The following TVP23A variants were observed in gnomAD, a reference collection of about 807,000 sequenced individuals.
TVP23A encodes trans-golgi network vesicle protein 23 homolog A, also known as Golgi apparatus membrane protein TVP23 homolog A.
TVP23A carries 21 observed loss-of-function variants against 31.7 expected under a neutral mutation model. The ratio of observed to expected loss-of-function variants is 0.66; its 90% confidence interval spans 0.47 to 0.95. TVP23A has a LOEUF of 0.95. Ranked by LOEUF, TVP23A falls within the 40% of genes least tolerant of loss-of-function variation. The probability of loss-of-function intolerance (pLI) is 0.00; values close to 1 mark genes in which losing one functional copy is unlikely to be tolerated. For missense variants in TVP23A, 279 were observed against 255.6 expected (o/e 1.09, Z -0.62); for synonymous variants, 104 against 96.0 (o/e 1.08, Z -0.49).
chr16:10,814,892 C>G (rs2034366845), intron 2 of TVP23A, among the ~76,000 whole-genome samples: 1 of 149,642 alleles, frequency 6.7e-6, no homozygotes, highest in Non-Finnish European at 1.5e-5. Context: ...TGGCCCCGAT[C>G]TCCACGCAGG....
At chr16:10,814,428 A>T (rs1364951245) in intron 2 of TVP23A, among the ~76,000 whole-genome samples, 1 of 152,130 alleles carries the variant, frequency 6.6e-6, no homozygotes, top group Non-Finnish European at 1.5e-5. Flanking sequence ...GACTCACCAG[A>T]CCACCAGCCT....
chr16:10,761,377 A>G, exon 9 of TVP23A: 1 of 1,613,988 alleles, frequency 6.2e-7, no homozygotes, highest in Non-Finnish European at 8.5e-7. Flanking sequence ...GTGTCACTCC[A>G]GGATGTCCGG....
At chr16:10,811,503 C>G (rs1337115803) in intron 2 of TVP23A, among the ~76,000 whole-genome samples, 1 of 152,062 alleles carries the variant, frequency 6.6e-6, no homozygotes, top group South Asian at 2.1e-4. Context: ...CTCCTGGCCT[C>G]AAGCAATCCA....
chr16:10,789,520 A>G (rs2142984633), intron 2 of TVP23A, among the ~76,000 whole-genome samples: 1 of 152,114 alleles, frequency 6.6e-6, no homozygotes, highest in Admixed American at 6.6e-5. Context: ...TGAGACATCA[A>G]TCAAATACAT....
At chr16:10,792,715 T>C (rs2033172152) in intron 2 of TVP23A, among the ~76,000 whole-genome samples, 1 of 152,256 alleles carries the variant, frequency 6.6e-6, no homozygotes, top group South Asian at 2.1e-4. Flanking sequence ...TGATTTTTCT[T>C]TTCCAGAGTG....
At chr16:10,817,190 TA>T (rs2034482060) in intron 2 of TVP23A, among the ~76,000 whole-genome samples, 1 of 152,246 alleles carries the variant, frequency 6.6e-6, no homozygotes, top group African/African-American at 2.4e-5. Flanking sequence ...TGCAGGAGAA[TA>T]AACTTCTTTT....
Position 10,767,982 on chromosome 16 carries a change from T to C in TVP23A, c.*1120A>G, listed in dbSNP as rs143719398. The C allele has an allele frequency of 1.6e-4, 254 of 1,614,092 alleles. 2 individuals carry two copies. Among genetic ancestry groups the C allele is most frequent in the Middle Eastern group, 1.6e-4 (1 of 6,084 alleles). On this transcript the variant is annotated 3_prime_UTR_variant, in exon 8 of 8. Transcript: ENST00000299866. This position sits in a 1 kb window ranked among gnomAD's most constrained non-coding sequence, Gnocchi z 4.6. ...TGTGACAAAGGCCAGTCTTTTTTCA[T>C]TGACGCCCCAGATTCCCCAGCCACG...
Position 10,766,725 on chromosome 16 carries a change from G to C in TVP23A, c.*2377C>G, listed in dbSNP as rs2030935948. The stretch of plus-strand genomic sequence containing the variant: ...TGAAAATGAAAGTCAACTCCACGGT[G>C]TGGGAGGAGAACGGGCCTGAGAATA... On this transcript the variant is annotated 3_prime_UTR_variant, in exon 8 of 8. Transcript: ENST00000299866. The surrounding 1 kb of genome is among the most constrained non-coding windows in gnomAD (Gnocchi z 4.8). 2.6e-6 allele frequency: 1 copy of C among 391,666 alleles called. No individual in the cohort carries two copies. Among genetic ancestry groups the C allele is most frequent in the African/African-American group, 2.1e-5 (1 of 48,502 alleles). The allele number at this position is 391,666 out of a possible 1,614,324, so 24.3% of individuals were successfully genotyped here. A position where few individuals can be genotyped will look rare whatever the true frequency, so the allele number is the denominator to read the frequency against.
At chr16:10,765,634 C>T (rs1035993316), downstream of TVP23A, among the ~76,000 whole-genome samples, 10 of 152,318 alleles carry the variant, frequency 6.6e-5, no homozygotes, top group African/African-American at 2.2e-4. The surrounding 1 kb of genome is among the most constrained non-coding windows in gnomAD (Gnocchi z 4.0). Flanking sequence ...GATCCTGATA[C>T]GGCTTTTCTT....
chr16:10,762,482 G>C (rs912054755), downstream of TVP23A, among the ~76,000 whole-genome samples: 1 of 152,178 alleles, frequency 6.6e-6, no homozygotes, highest in East Asian at 1.9e-4. Flanking sequence ...CCCACTCGCC[G>C]CGGGGCGCTG....
intron 2 of TVP23A, chr16:10,775,337 C>T (rs1461391833): frequency 1.9e-5 from 25 of 1,322,070 alleles, no homozygotes; most frequent in South Asian, 7.5e-5. Context: ...AGTACTTTCC[C>T]GCCACTTGAC....
chr16:10,771,520 G>T, intron 6 of TVP23A, 150 bp downstream of exon 6: 4 of 1,035,618 alleles, frequency 3.9e-6, no homozygotes, highest in African/African-American at 1.6e-5. Flanking sequence ...GGGTGACAGA[G>T]CGAGATCCTG....
chr16:10,815,272 C>T (rs923067239), intron 2 of TVP23A, among the ~76,000 whole-genome samples: 2 of 152,086 alleles, frequency 1.3e-5, no homozygotes, highest in Non-Finnish European at 2.9e-5. Flanking sequence ...ATCAGCCAAG[C>T]GTGGTGGCGT....
In TVP23A at chr16:10,779,544, C is replaced by A. The variant is rs900270141; in HGVS notation, c.90-4448G>T. On this transcript the variant is annotated intron_variant, in intron 2 of 7. Coordinates refer to ENST00000299866, the MANE Select transcript of TVP23A (RefSeq NM_001079512.4). The surrounding 1 kb of genome is among the most constrained non-coding windows in gnomAD (Gnocchi z 4.9). ...CAGGCACCAACCTGGGAGGTTGCCC[C>A]TTGAGAGGCAAACAGCACAGGGGCA... is the stretch of plus-strand genomic sequence containing the variant. Among the ~76,000 whole-genome samples the A allele has an allele frequency of 6.6e-6, 1 of 152,182 alleles. No homozygotes were observed. Among genetic ancestry groups the A allele is most frequent in the African/African-American group, 2.4e-5 (1 of 41,444 alleles).
chr16:10,758,393 A>C (rs1242954214), downstream of TVP23A, among the ~76,000 whole-genome samples: 12 of 152,196 alleles, frequency 7.9e-5, no homozygotes, highest in Non-Finnish European at 1.5e-4. Flanking sequence ...GGATCATTTG[A>C]GCCTGGGGAA....
chr16:10,812,299 A>G (rs996266788), intron 2 of TVP23A, among the ~76,000 whole-genome samples: 7 of 152,238 alleles, frequency 4.6e-5, no homozygotes, highest in African/African-American at 1.4e-4. Context: ...ACCCTTGTAC[A>G]GTGTTGATGG....
At chr16:10,810,858 C>T (rs1448358153) in intron 2 of TVP23A, among the ~76,000 whole-genome samples, 1 of 152,152 alleles carries the variant, frequency 6.6e-6, no homozygotes, top group East Asian at 1.9e-4. Flanking sequence ...GGGTTTTATG[C>T]CACCGGCGTT....
At chr16:10,787,581 T>C (rs1038854237) in intron 2 of TVP23A, among the ~76,000 whole-genome samples, 7 of 152,120 alleles carry the variant, frequency 4.6e-5, no homozygotes, top group South Asian at 2.1e-4. Flanking sequence ...GCTATGTGAA[T>C]GTCACCCCGG....
At chr16:10,802,127 C>T (rs182753462) in intron 2 of TVP23A, among the ~76,000 whole-genome samples, 1 of 148,570 alleles carries the variant, frequency 6.7e-6, no homozygotes, top group Non-Finnish European at 1.5e-5. Context: ...CACACATACA[C>T]ACACACACAA....
Sources: allele counts gnomAD v4.1 joint callset (sites outside exome capture counted in the v4.1 genomes callset), GRCh38; gene constraint gnomAD v4.1.1; non-coding constraint Gnocchi (gnomAD v3.1); transcripts MANE v1.5; gene names NCBI Gene and HGNC (gene_info 2026-07-23, HGNC 2026-07-21).